SORCS1: variants seen among roughly 807,000 people sequenced by gnomAD.
The protein encoded by SORCS1 is sortilin related VPS10 domain containing receptor 1, also known as VPS10 domain-containing receptor SorCS1.
In SORCS1, 60 loss-of-function variants were observed where a neutral mutation model predicts 146.1. That is an observed-to-expected ratio of 0.41 (90% CI 0.33 to 0.51). The LOEUF is 0.51. Among genes scored for constraint, SORCS1 ranks in the 20% least tolerant of loss-of-function variants. The pLI is 0.21. For missense variants in SORCS1, 1,352 were observed against 1,487.6 expected (o/e 0.91, Z 1.50); for synonymous variants, 637 against 584.0 (o/e 1.09, Z -1.31).
intron 3 of SORCS1, among the ~76,000 whole-genome samples, chr10:106,829,077 G>A (rs1045290863): frequency 6.6e-6 from 1 of 152,180 alleles, no homozygotes; most frequent in Middle Eastern, 3.2e-3. Flanking sequence ...ACTCTATTCT[G>A]CTAAATGCAC....
chr10:107,181,097 A>T, the SORCS1 span, among the ~76,000 whole-genome samples: 1 of 152,210 alleles, frequency 6.6e-6, no homozygotes, highest in Admixed American at 6.5e-5. Flanking sequence ...GAACTCGTTT[A>T]GGTGAATCAG....
At chr10:106,758,858 A>G (rs1858864020) in intron 5 of SORCS1, among the ~76,000 whole-genome samples, 1 of 152,226 alleles carries the variant, frequency 6.6e-6, no homozygotes, top group Non-Finnish European at 1.5e-5. Context: ...CATCCTGAAC[A>G]AGAGCACCAG....
intron 1 of SORCS1, among the ~76,000 whole-genome samples, chr10:106,970,922 T>C (rs1050971333): frequency 2.0e-5 from 3 of 147,322 alleles, no homozygotes; most frequent in Admixed American, 6.8e-5. Flanking sequence ...TTTTTTTTTT[T>C]TTTTTTCAGT....
At chr10:107,103,639 G>A (rs900353897) in intron 1 of SORCS1, among the ~76,000 whole-genome samples, 18 of 152,132 alleles carry the variant, frequency 1.2e-4, no homozygotes, top group African/African-American at 4.3e-4. Flanking sequence ...GTTGCTGTTG[G>A]AGAAATACAG....
chr10:106,716,073 T>G (rs1855350638), intron 6 of SORCS1, among the ~76,000 whole-genome samples: 1 of 152,162 alleles, frequency 6.6e-6, no homozygotes. Flanking sequence ...TTATATTCAA[T>G]TTTTGTTTGG....
chr10:106,579,978 C>T (rs1271957316), intron 24 of SORCS1, among the ~76,000 whole-genome samples: 1 of 151,710 alleles, frequency 6.6e-6, no homozygotes, highest in Non-Finnish European at 1.5e-5. Context: ...TTATTATACT[C>T]TGAGTGTAAG....
At chr10:106,612,130 C>G in intron 21 of SORCS1, 107 bp from the exon 22 acceptor site, 1 of 759,376 alleles carries the variant, frequency 1.3e-6, no homozygotes. Context: ...CCTTCACTTA[C>G]CATAGGGACC....
At chr10:107,038,914 A>T (rs192303757) in intron 1 of SORCS1, among the ~76,000 whole-genome samples, 1 of 152,332 alleles carries the variant, frequency 6.6e-6, no homozygotes, top group African/African-American at 2.4e-5. Flanking sequence ...GATCACCTTT[A>T]GAGTTAATGC....
intron 18 of SORCS1, among the ~76,000 whole-genome samples, chr10:106,641,813 AT>A (rs1408719695): frequency 1.3e-5 from 2 of 151,970 alleles, no homozygotes; most frequent in Non-Finnish European, 2.9e-5. Context: ...TATTTAGATA[AT>A]TTATTATTAA....
intron 1 of SORCS1, among the ~76,000 whole-genome samples, chr10:107,028,388 A>G (rs561543507): frequency 2.0e-5 from 3 of 152,248 alleles, no homozygotes; most frequent in African/African-American, 7.2e-5. Context: ...ACCACTTCCT[A>G]TTTCTGTAAC....
chr10:107,049,895 G>A (rs1054904913), intron 1 of SORCS1, among the ~76,000 whole-genome samples: 1 of 152,138 alleles, frequency 6.6e-6, no homozygotes, highest in African/African-American at 2.4e-5. Context: ...TTCCACCTTT[G>A]GCTAATATTT....
At chr10:106,838,291 G>T (rs1265822360) in intron 2 of SORCS1, among the ~76,000 whole-genome samples, 1 of 152,074 alleles carries the variant, frequency 6.6e-6, no homozygotes, top group East Asian at 1.9e-4. Flanking sequence ...GATTTTTAGA[G>T]CAGTTTCAGG....
chr10:106,725,359 G>A (rs958392666), intron 6 of SORCS1, among the ~76,000 whole-genome samples: 1 of 151,376 alleles, frequency 6.6e-6, no homozygotes, highest in Non-Finnish European at 1.5e-5. Flanking sequence ...ATACCAGCTC[G>A]GCCAACATAG....
Position 106,776,587 on chromosome 10 carries a change from G to C in SORCS1, c.832C>G (p.Leu278Val), listed in dbSNP as rs142799463. 1 of 1,613,934 alleles carries C rather than the reference G, an allele frequency of 6.2e-7. No individual in the cohort carries two copies. The highest frequency in any genetic ancestry group is 8.5e-7 in the Non-Finnish European group (1 of 1,179,952). The stretch of plus-strand genomic sequence containing the variant: ...CAGTCTTCTTGTTTGGGGTGAAAAA[G>C]CAAGCTTTGAATGTAGAAGTTCAGC... Reference protein sequence around the residue: ...YRLNFYIQSLLFHPKQEDWIL... With the variant: ...YRLNFYIQSLVFHPKQEDWIL... The change falls in exon 4 of 26, where the codon CTT becomes GTT. Residue 278 changes from leucine to valine, a missense_variant. Around this residue, in one of 3 missense-constraint regions of SORCS1, gnomAD observed 490 missense variants for 489.1 expected, o/e 1.00. Transcript: ENST00000263054.
intron 1 of SORCS1, among the ~76,000 whole-genome samples, chr10:107,003,511 A>G (rs1393489200): frequency 6.6e-6 from 1 of 151,742 alleles, no homozygotes; most frequent in Non-Finnish European, 1.5e-5. Flanking sequence ...GCTATCTCAT[A>G]CAACAAGAAT....
At chr10:107,058,273 C>A (rs539270191) in intron 1 of SORCS1, among the ~76,000 whole-genome samples, 1 of 152,050 alleles carries the variant, frequency 6.6e-6, no homozygotes, top group Non-Finnish European at 1.5e-5. Flanking sequence ...GATCTCCCGA[C>A]CTCGTGATCC....
At chr10:107,118,500 T>C (rs534983298) in intron 1 of SORCS1, among the ~76,000 whole-genome samples, 452 of 152,334 alleles carry the variant, frequency 3.0e-3, no homozygotes, top group Non-Finnish European at 5.4e-3. Flanking sequence ...GGCTTTATTT[T>C]TTTCCTCCAC....
intron 10 of SORCS1, among the ~76,000 whole-genome samples, chr10:106,681,299 A>C (rs973439795): frequency 2.0e-5 from 3 of 152,218 alleles, no homozygotes; most frequent in Admixed American, 2.0e-4. Context: ...GCAGCCTATC[A>C]GGCTCTCCTC....
chr10:106,730,330 C>T (rs1856504619), intron 5 of SORCS1, among the ~76,000 whole-genome samples: 1 of 152,186 alleles, frequency 6.6e-6, no homozygotes, highest in Non-Finnish European at 1.5e-5. Flanking sequence ...GAAAGGCAGG[C>T]TGCATTCTAG....
Sources: gnomAD v4.1 joint callset for allele counts (sites outside exome capture counted in the v4.1 genomes callset) on GRCh38, gnomAD v4.1.1 for gene constraint, gnomAD v4.1.1 regional missense constraint, MANE v1.5 for transcripts, NCBI Gene and HGNC (gene_info 2026-07-23, HGNC 2026-07-21) for gene names.